The following CTNNB1 variants were observed in gnomAD, a reference collection of about 807,000 sequenced individuals.
CTNNB1 encodes catenin beta 1.
Under a neutral mutation model 82.5 loss-of-function variants are expected in CTNNB1, and 6 were observed. The observed-to-expected ratio is 0.07, with a 90% CI of 0.04 to 0.14. The LOEUF (loss-of-function observed/expected upper bound fraction) is 0.14. CTNNB1 is among the 10% of genes least tolerant of loss of function. The pLI, the probability that CTNNB1 is intolerant of heterozygous loss-of-function variation, is 1.00. For synonymous variants in CTNNB1, 312 were observed against 329.7 expected (o/e 0.95, Z 0.58); for missense variants, 529 against 980.4 (o/e 0.54, Z 6.15).
rs2125624797 is a variant in CTNNB1, at chr3:41,225,833, T to G, written c.908T>G (p.Ile303Ser). Residue 303 changes from isoleucine (I) to serine (S), a missense_variant, in exon 6 of 15, where the codon ATT becomes AGT. Transcript: ENST00000349496. This position sits in a 1 kb window ranked among gnomAD's most constrained non-coding sequence, Gnocchi z 5.3. ...FLAITTDCLQ[I>S]LAYGNQESKL... The stretch of plus-strand genomic sequence containing the variant: ...GCTATTACGACAGACTGCCTTCAAA[T>G]TTTAGCTTATGGCAACCAAGAAAGC... 1 of 1,613,866 alleles carries G rather than the reference T, an allele frequency of 6.2e-7. No individual in the cohort carries two copies. The highest frequency in any genetic ancestry group is 8.5e-7 in the Non-Finnish European group (1 of 1,179,932).
intron 13 of CTNNB1, chr3:41,237,446 C>CAAAAAA (rs3038134): frequency 0.029 from 1,868 of 64,854 alleles, 85 homozygotes; most frequent in African/African-American, 0.036. Flanking sequence ...GACTCCAACA[C>CAAAAAA]AAAAAAAAAA....
At chr3:41,238,658 G>A (rs1377147414) in intron 14 of CTNNB1, among the ~76,000 whole-genome samples, 1 of 152,150 alleles carries the variant, frequency 6.6e-6, no homozygotes, top group Non-Finnish European at 1.5e-5. Context: ...ATATGTTGAG[G>A]TTTCATGGAA....
chr3:41,223,956 A>T, intron 1 of CTNNB1, 65 bp from the exon 2 acceptor site: 1 of 1,144,694 alleles, frequency 8.7e-7, no homozygotes, highest in Non-Finnish European at 1.3e-6. Context: ...CAGGTATCCC[A>T]GTGACTTAGG....
In CTNNB1 at chr3:41,203,463, A is replaced by G. The variant is rs181286413; in HGVS notation, c.-49+3793A>G. ...TGATAAACCAGAATCTCAGTATAGT[A>G]CTTTAGGAGGTAAAAGATCATAATA... On this transcript the variant is annotated intron_variant, in intron 1 of 14. Transcript: ENST00000349496. Among the ~76,000 whole-genome samples the G allele has an allele frequency of 4.6e-3, 701 of 152,270 alleles. 4 individuals are homozygous for G. Among genetic ancestry groups the G allele is most frequent in the Middle Eastern group, 0.014 (4 of 294 alleles).
At chr3:41,227,553 TATC>T (rs1431996023) in intron 7 of CTNNB1, among the ~76,000 whole-genome samples, 1 of 152,206 alleles carries the variant, frequency 6.6e-6, no homozygotes, top group Non-Finnish European at 1.5e-5. Context: ...GAGTTCTTAT[TATC>T]CATCAAAAAT....
chr3:41,237,970 T>C, intron 13 of CTNNB1, 46 bp from the exon 14 acceptor site: 1 of 1,562,778 alleles, frequency 6.4e-7, no homozygotes, highest in African/African-American at 1.4e-5. Context: ...TTTGAGAATT[T>C]TCATTTTGCT....
chr3:41,209,439 G>C lies in CTNNB1; in HGVS notation c.-49+9769G>C, dbSNP rs59827234. ...GCAATTCTGTCTTTCCAGTTACCTA[G>C]CTTAAAAGCTTGCAGTTCTTGACTC... On this transcript the variant is annotated intron_variant, in intron 1 of 14. Coordinates refer to ENST00000349496, the MANE Select transcript of CTNNB1 (RefSeq NM_001904.4). 2.7e-4 allele frequency among the ~76,000 whole-genome samples: 41 copies of C among 152,244 alleles called. No individual in the cohort carries two copies. The East Asian group carries it at 6.2e-3, about 23-fold the overall frequency.
chr3:41,237,913 GT>G, intron 13 of CTNNB1, 102 bp from the exon 14 acceptor site: 1 of 932,000 alleles, frequency 1.1e-6, no homozygotes, highest in East Asian at 2.4e-5. Flanking sequence ...GGAGTTACTT[GT>G]TCCTTTTGTA....
At chr3:41,200,703 C>T (rs2077509722) in intron 1 of CTNNB1, among the ~76,000 whole-genome samples, 1 of 152,206 alleles carries the variant, frequency 6.6e-6, no homozygotes. Flanking sequence ...AGTGTTTTGT[C>T]TGGAGAGAGG....
chr3:41,204,918 T>C (rs971782920), intron 1 of CTNNB1, among the ~76,000 whole-genome samples: 9 of 152,218 alleles, frequency 5.9e-5, no homozygotes, highest in African/African-American at 2.2e-4. Flanking sequence ...AAATGCCTTG[T>C]GTCAATTGAT....
Position 41,199,601 on chromosome 3 carries a change from C to T in CTNNB1, c.-118C>T, listed in dbSNP as rs11564434. The T allele has an allele frequency of 6.6e-6, 1 of 152,472 alleles. No homozygotes were observed. Among genetic ancestry groups the T allele is most frequent in the Non-Finnish European group, 1.5e-5 (1 of 68,366 alleles). 9.4% of individuals were successfully genotyped at this position (152,472 alleles called of 1,614,324 possible). On this transcript the variant is annotated 5_prime_UTR_variant, in exon 1 of 15. Transcript: ENST00000349496. ...GGAAGGTCTGAGGAGCAGCTTCAGTCCCCGCCGAGCCGCCACCGCAGGTCG... is the reference window on the plus strand; with the variant it reads ...GGAAGGTCTGAGGAGCAGCTTCAGTTCCCGCCGAGCCGCCACCGCAGGTCG...
At chr3:41,226,054 C>T (rs1466017449) in intron 6 of CTNNB1, among the ~76,000 whole-genome samples, 193 bp downstream of exon 6, 1 of 152,070 alleles carries the variant, frequency 6.6e-6, no homozygotes, top group Non-Finnish European at 1.5e-5. Flanking sequence ...ATTAGATTCT[C>T]ATAGGGAGCG....
chr3:41,204,440 C>A (rs544543388), intron 1 of CTNNB1, among the ~76,000 whole-genome samples: 3 of 152,132 alleles, frequency 2.0e-5, no homozygotes, highest in African/African-American at 7.2e-5. Flanking sequence ...AGAATAAGAT[C>A]GCTTTCAGAA....
Position 41,207,678 on chromosome 3 carries a change from T to G in CTNNB1, c.-49+8008T>G, listed in dbSNP as rs189512916. ...CAGACTCTAATCCTGTTGCTTTTTT[T>G]GGTCCCCATCTCCCACCTTTCATCA... is the stretch of plus-strand genomic sequence containing the variant. On this transcript the variant is annotated intron_variant, in intron 1 of 14. Coordinates refer to ENST00000349496, the MANE Select transcript of CTNNB1 (RefSeq NM_001904.4). Among the ~76,000 whole-genome samples the G allele has an allele frequency of 4.7e-3, 709 of 152,342 alleles. 5 individuals are homozygous for G. Among genetic ancestry groups the G allele is most frequent in the African/African-American group, 0.016 (685 of 41,576 alleles).
At position 41,216,755 on chromosome 3, in the gene CTNNB1, A is replaced by G. The variant is rs11564441; in HGVS notation, c.-48-7266A>G. 1.6e-3 allele frequency among the ~76,000 whole-genome samples: 249 copies of G among 152,340 alleles called. 2 individuals carry two copies. The highest frequency in any genetic ancestry group is 5.8e-3 in the African/African-American group (242 of 41,580). ...CTCGGACAGATATTTCTAATAATTT[A>G]TGTATTTGGTTCTGCAAATGTATGC... On this transcript the variant is annotated intron_variant, in intron 1 of 14. Transcript: ENST00000349496.
Position 41,225,273 on chromosome 3 carries a change from G to C in CTNNB1, c.496-61G>C. On this transcript the variant is annotated intron_variant, in intron 4 of 14. Coordinates refer to ENST00000349496, the MANE Select transcript of CTNNB1 (RefSeq NM_001904.4). This position sits in a 1 kb window ranked among gnomAD's most constrained non-coding sequence, Gnocchi z 5.3. ...TAAATGCTCAAGGGGAGTAGTTTCAGAATGTCTACCCAATACCAGTACTTG... is the reference window on the plus strand; with the variant it reads ...TAAATGCTCAAGGGGAGTAGTTTCACAATGTCTACCCAATACCAGTACTTG... The C allele has an allele frequency of 1.2e-6, 2 of 1,613,784 alleles. No homozygotes were observed. Among genetic ancestry groups the C allele is most frequent in the Non-Finnish European group, 1.7e-6 (2 of 1,179,794 alleles).
intron 6 of CTNNB1, 126 bp from the exon 7 acceptor site, chr3:41,227,082 T>A (rs1351972828): frequency 1.4e-5 from 11 of 799,356 alleles, no homozygotes; most frequent in Non-Finnish European, 2.3e-5. Flanking sequence ...GGTCCAGGAA[T>A]ACATTTAGGT....
At chr3:41,233,946 C>CA in intron 9 of CTNNB1, 79 bp downstream of exon 9, 1 of 1,483,042 alleles carries the variant, frequency 6.7e-7, no homozygotes, top group South Asian at 1.1e-5. Context: ...GCTGTCTAAG[C>CA]ATAGTGATCA....
chr3:41,223,507 T>C (rs2078101297), intron 1 of CTNNB1, among the ~76,000 whole-genome samples: 1 of 152,162 alleles, frequency 6.6e-6, no homozygotes, highest in Admixed American at 6.5e-5. Context: ...AATTCGCTAT[T>C]CTAGTCACCA....
Sources: allele counts gnomAD v4.1 joint callset (sites outside exome capture counted in the v4.1 genomes callset), GRCh38; gene constraint gnomAD v4.1.1; non-coding constraint Gnocchi (gnomAD v3.1); transcripts MANE v1.5; gene names NCBI Gene and HGNC (gene_info 2026-07-23, HGNC 2026-07-21).